DPF3: variants seen among roughly 807,000 people sequenced by gnomAD.
DPF3 encodes the protein zinc finger protein DPF3.
Under a neutral mutation model 56.8 loss-of-function variants are expected in DPF3, and 18 were observed. That is an observed-to-expected ratio of 0.32 (90% CI 0.22 to 0.47). The LOEUF (loss-of-function observed/expected upper bound fraction) is 0.47, where lower values mean the gene tolerates loss of function less well. Among genes scored for constraint, DPF3 ranks in the 20% least tolerant of loss-of-function variants. DPF3 has a pLI of 1.00. For missense variants in DPF3, 403 were observed against 488.8 expected, an observed-to-expected ratio of 0.82 and a Z score of 1.65; for synonymous variants, 188 against 180.2, an observed-to-expected ratio of 1.04 and a Z score of -0.35.
chr14:72,702,720 G>C (rs1888225155), intron 6 of DPF3, among the ~76,000 whole-genome samples: 1 of 152,192 alleles, frequency 6.6e-6, no homozygotes, highest in African/African-American at 2.4e-5. Flanking sequence ...GTGACTCCCA[G>C]ATACAAACTC....
intron 2 of DPF3, among the ~76,000 whole-genome samples, chr14:72,769,691 A>C: frequency 6.6e-6 from 1 of 151,578 alleles, no homozygotes; most frequent in East Asian, 1.9e-4. Context: ...AAAAAAAAAA[A>C]AAAAAAAACA....
chr14:72,874,863 C>T (rs1241094625), intron 1 of DPF3, among the ~76,000 whole-genome samples: 1 of 152,186 alleles, frequency 6.6e-6, no homozygotes, highest in Non-Finnish European at 1.5e-5. Flanking sequence ...TTCAGCAATG[C>T]CCCACTCTAT....
chr14:72,633,269 T>G (rs146682429), intron 8 of DPF3, among the ~76,000 whole-genome samples: 27 of 152,184 alleles, frequency 1.8e-4, no homozygotes, highest in Non-Finnish European at 3.2e-4. Flanking sequence ...GTTGAGTGGA[T>G]AGTTGAATGT....
In DPF3 at chr14:72,762,334, T is replaced by G. The variant is rs142835223; in HGVS notation, c.194-8963A>C. On this transcript the variant is annotated intron_variant, in intron 2 of 10. Transcript: ENST00000556509. ...CTAACAATACATTAAAAAGATAAAA[T>G]AGCATAACAAAGTGGGGTTTATCCT... Among the ~76,000 whole-genome samples, 277 of 151,814 alleles carry G rather than the reference T, an allele frequency of 1.8e-3. 1 individual carries two copies. Among genetic ancestry groups the G allele is most frequent in the Non-Finnish European group, 3.3e-3 (222 of 67,748 alleles).
intron 1 of DPF3, among the ~76,000 whole-genome samples, chr14:72,890,020 T>C (rs572211169): frequency 6.6e-6 from 1 of 152,346 alleles, no homozygotes; most frequent in South Asian, 2.1e-4. Flanking sequence ...TAGGCAATTA[T>C]AATAATAGAC....
At chr14:72,767,639 T>G (rs1385181966) in intron 2 of DPF3, among the ~76,000 whole-genome samples, 2 of 151,534 alleles carry the variant, frequency 1.3e-5, no homozygotes, top group African/African-American at 2.4e-5. Context: ...CCTCAGGGAC[T>G]TATGGGACTA....
intron 2 of DPF3, among the ~76,000 whole-genome samples, chr14:72,762,471 A>G (rs1891108523): frequency 6.6e-6 from 1 of 151,842 alleles, no homozygotes; most frequent in South Asian, 2.1e-4. Flanking sequence ...TGAAGCTTCC[A>G]TGAACAAAAG....
At chr14:72,853,278 C>A (rs796702151) in intron 1 of DPF3, 1 of 151,492 alleles carries the variant, frequency 6.6e-6, no homozygotes, top group Non-Finnish European at 1.5e-5. Flanking sequence ...ACAAGGAGTT[C>A]AATCTGTAAC....
rs1319575361 is a variant in DPF3, at chr14:72,619,137, T to G, written c.*160A>C. On this transcript the variant is annotated 3_prime_UTR_variant, in exon 11 of 11. Transcript: ENST00000556509. ...GTACATATCGGGGGAGGTCAGGAGA[T>G]GCCTCACCCTCTTCGTTCCATGTGT... Among the ~76,000 whole-genome samples the G allele has an allele frequency of 1.3e-5, 2 of 152,218 alleles. No homozygotes were observed. The highest frequency in any genetic ancestry group is 4.8e-5 in the African/African-American group (2 of 41,464).
In DPF3 at chr14:72,610,796, G is replaced by A. The variant is rs1458071366; in HGVS notation, c.*8501C>T. 6.6e-6 allele frequency among the ~76,000 whole-genome samples: 1 copy of A among 152,190 alleles called. No homozygotes were observed. Among genetic ancestry groups the A allele is most frequent in the East Asian group, 1.9e-4 (1 of 5,184 alleles). On this transcript the variant is annotated 3_prime_UTR_variant, in exon 11 of 11. Coordinates refer to ENST00000556509, the MANE Select transcript of DPF3 (RefSeq NM_001280542.3). ...ATCCCTCAAGGAGCTGGGGACCTGA[G>A]GGCTCAGGGCCCACCACTGGCTGCC... is the stretch of plus-strand genomic sequence containing the variant.
At chr14:72,789,292 C>A (rs1456637157) in intron 1 of DPF3, among the ~76,000 whole-genome samples, 4 of 152,160 alleles carry the variant, frequency 2.6e-5, no homozygotes, top group Admixed American at 6.5e-5. Context: ...GATGCTACTA[C>A]TACCCCTCAT....
intron 1 of DPF3, among the ~76,000 whole-genome samples, chr14:72,863,230 G>C (rs1885525963): frequency 6.7e-6 from 1 of 150,318 alleles, no homozygotes; most frequent in Admixed American, 6.7e-5. Context: ...AATTTCAAAA[G>C]ACAAAGAAAT....
chr14:72,838,649 C>T (rs1485560063), intron 1 of DPF3, among the ~76,000 whole-genome samples: 2 of 151,616 alleles, frequency 1.3e-5, no homozygotes, highest in African/African-American at 4.9e-5. Flanking sequence ...CCCAGCTACT[C>T]GGGAGGCTGA....
At chr14:72,758,389 G>C (rs1287712491) in intron 2 of DPF3, among the ~76,000 whole-genome samples, 1 of 152,138 alleles carries the variant, frequency 6.6e-6, no homozygotes, top group African/African-American at 2.4e-5. Context: ...GAGGAATACA[G>C]GTGGAGACCT....
intron 1 of DPF3, among the ~76,000 whole-genome samples, chr14:72,782,398 A>AT (rs574850058): frequency 5.8e-4 from 88 of 152,016 alleles, no homozygotes; most frequent in African/African-American, 2.1e-3. Context: ...TAATTTTTGT[A>AT]TTTTTTTATA....
At chr14:72,671,377 C>T in intron 8 of DPF3, 1 of 1,606,878 alleles carries the variant, frequency 6.2e-7, no homozygotes, top group Non-Finnish European at 8.5e-7. Context: ...ATGGGTTAAG[C>T]AACAGACAGC....
intron 2 of DPF3, among the ~76,000 whole-genome samples, chr14:72,759,100 C>T (rs1326325273): frequency 2.6e-5 from 4 of 152,018 alleles, no homozygotes; most frequent in South Asian, 2.1e-4. Context: ...TTGGGAGATA[C>T]ATATGTATTT....
chr14:72,817,700 A>G (rs1040501436), intron 1 of DPF3, among the ~76,000 whole-genome samples: 67 of 152,066 alleles, frequency 4.4e-4, no homozygotes, highest in African/African-American at 1.6e-3. Flanking sequence ...ACACACACAC[A>G]AAGAATTGAG....
chr14:72,625,658 G>A (rs780975298), intron 9 of DPF3, among the ~76,000 whole-genome samples: 3 of 152,180 alleles, frequency 2.0e-5, no homozygotes, highest in Admixed American at 1.3e-4. Context: ...ATAAATGTAT[G>A]TGTAGGTACA....
Sources: gnomAD v4.1 joint callset for allele counts (sites outside exome capture counted in the v4.1 genomes callset) on GRCh38, gnomAD v4.1.1 for gene constraint, MANE v1.5 for transcripts, NCBI Gene and HGNC (gene_info 2026-07-23, HGNC 2026-07-21) for gene names.